The following GLIS3 variants were observed in gnomAD, a reference collection of about 807,000 sequenced individuals.
GLIS3 encodes GLIS family zinc finger 3.
Under a neutral mutation model 78.6 loss-of-function variants are expected in GLIS3, and 53 were observed. The observed-to-expected ratio is 0.67, with a 90% confidence interval of 0.54 to 0.85. The LOEUF (loss-of-function observed/expected upper bound fraction) is 0.85. Among genes scored for constraint, GLIS3 ranks in the 40% least tolerant of loss-of-function variants. GLIS3 has a pLI of 0.00. For missense variants in GLIS3, 1,703 were observed against 1,231.1 expected, an observed-to-expected ratio of 1.38 and a Z score of -5.74; for synonymous variants, 684 against 509.9, an observed-to-expected ratio of 1.34 and a Z score of -4.60.
At chr9:4,341,796 G>C (rs1443769445) in intron 2 of GLIS3, among the ~76,000 whole-genome samples, 2 of 152,136 alleles carry the variant, frequency 1.3e-5, no homozygotes, top group Non-Finnish European at 2.9e-5. Flanking sequence ...CAACAAATGG[G>C]ATCTCCGCTT....
chr9:4,197,087 G>C (rs758063413), intron 2 of GLIS3, among the ~76,000 whole-genome samples: 33 of 151,960 alleles, frequency 2.2e-4, no homozygotes, highest in Non-Finnish European at 4.0e-4. Context: ...GCCCCTCCTA[G>C]CCTATATCAG....
the GLIS3 span, among the ~76,000 whole-genome samples, chr9:4,468,590 G>A: frequency 6.6e-6 from 1 of 152,214 alleles, no homozygotes; most frequent in African/African-American, 2.4e-5. Flanking sequence ...AATGCTGAGA[G>A]ATTCTGTCAC....
At chr9:4,164,658 A>G (rs1232969983) in intron 2 of GLIS3, among the ~76,000 whole-genome samples, 1 of 152,216 alleles carries the variant, frequency 6.6e-6, no homozygotes, top group African/African-American at 2.4e-5. Context: ...GGCTGCTTAG[A>G]GGGCGTTATG....
At chr9:3,862,466 G>A (rs1820273050) in intron 8 of GLIS3, among the ~76,000 whole-genome samples, 1 of 151,970 alleles carries the variant, frequency 6.6e-6, no homozygotes. Context: ...ACTTCTTTCG[G>A]GTAGGGCTCT....
rs186741714 is a variant in GLIS3 at position 4,013,370 on chromosome 9, T to C, written c.1711-76181A>G. Among the ~76,000 whole-genome samples, 731 of 152,304 alleles carry C rather than the reference T, an allele frequency of 4.8e-3. 5 individuals are homozygous for C. The highest frequency in any genetic ancestry group is 6.9e-3 in the Non-Finnish European group (469 of 68,018). ...TTTAAAGGTTTGTTGTGACTTTTAT[T>C]CCCAATATCCAAGGAAGCTGTAATA... On this transcript the variant is annotated intron_variant, in intron 4 of 10. Transcript: ENST00000381971.
chr9:4,375,715 A>G, the GLIS3 span, among the ~76,000 whole-genome samples: 814 of 152,372 alleles, frequency 5.3e-3, 5 homozygotes, highest in African/African-American at 0.018. Context: ...ATGTGCACAT[A>G]AAACAAATGT....
the GLIS3 span, among the ~76,000 whole-genome samples, chr9:4,454,948 T>C: frequency 6.6e-6 from 1 of 152,240 alleles, no homozygotes; most frequent in Non-Finnish European, 1.5e-5. Context: ...TCTTAATAAC[T>C]CTTTTTTATT....
intron 4 of GLIS3, among the ~76,000 whole-genome samples, chr9:3,952,235 G>A (rs1816745884): frequency 6.6e-6 from 1 of 151,980 alleles, no homozygotes; most frequent in South Asian, 2.1e-4. Context: ...TACTTGTTTA[G>A]GGGGAAAAAG....
At chr9:3,882,134 G>T (rs1821771459) in intron 7 of GLIS3, among the ~76,000 whole-genome samples, 1 of 152,180 alleles carries the variant, frequency 6.6e-6, no homozygotes, top group Admixed American at 6.5e-5. Context: ...TAGGTCCTGG[G>T]ACAGGAAACA....
intron 4 of GLIS3, among the ~76,000 whole-genome samples, chr9:4,097,947 C>T (rs1830088791): frequency 1.3e-5 from 2 of 152,092 alleles, no homozygotes; most frequent in African/African-American, 4.8e-5. Flanking sequence ...CATTCTGTTC[C>T]ATCGGTCTAT....
intron 4 of GLIS3, among the ~76,000 whole-genome samples, chr9:3,969,098 G>A (rs1045214131): frequency 2.6e-5 from 4 of 152,272 alleles, no homozygotes; most frequent in African/African-American, 9.6e-5. Flanking sequence ...CTCACCTCTA[G>A]GTTCATTTTT....
intron 9 of GLIS3, among the ~76,000 whole-genome samples, chr9:3,832,255 A>G (rs920218722): frequency 4.3e-4 from 65 of 151,116 alleles, no homozygotes; most frequent in African/African-American, 1.5e-3. Flanking sequence ...TGTTTGCTAA[A>G]TAAAAAATAA....
intron 6 of GLIS3, among the ~76,000 whole-genome samples, 163 bp downstream of exon 6, chr9:3,932,197 T>C (rs1053262106): frequency 1.3e-5 from 2 of 149,274 alleles, no homozygotes; most frequent in Non-Finnish European, 3.0e-5. Context: ...ATGCAAACCA[T>C]AGCCTTGCTA....
intron 2 of GLIS3, among the ~76,000 whole-genome samples, chr9:4,231,292 C>T (rs987121267): frequency 4.6e-5 from 7 of 152,062 alleles, no homozygotes; most frequent in Non-Finnish European, 1.0e-4. Context: ...TAAAAATGAA[C>T]AGTAAATTTG....
intron 4 of GLIS3, among the ~76,000 whole-genome samples, chr9:4,048,453 G>C (rs1047642554): frequency 1.8e-4 from 27 of 152,070 alleles, no homozygotes; most frequent in African/African-American, 6.0e-4. Context: ...CCATGGCTCA[G>C]TATGTGCATA....
intron 2 of GLIS3, among the ~76,000 whole-genome samples, chr9:4,228,468 T>C (rs1283157973): frequency 3.3e-5 from 5 of 152,180 alleles, no homozygotes; most frequent in Non-Finnish European, 7.3e-5. Context: ...CTCAAAAGGA[T>C]GCACCTGCAA....
At chr9:4,222,525 T>G (rs1035138806) in intron 2 of GLIS3, among the ~76,000 whole-genome samples, 1 of 152,176 alleles carries the variant, frequency 6.6e-6, no homozygotes, top group African/African-American at 2.4e-5. Flanking sequence ...TAAACATAAA[T>G]AGACCCAGCC....
the GLIS3 span, among the ~76,000 whole-genome samples, chr9:4,385,806 AAAGAAAAGAAAGAAAGAGAAAAG>A: frequency 4.9e-5 from 3 of 61,796 alleles, no homozygotes; most frequent in African/African-American, 7.5e-5. Flanking sequence ...AGAAAGAAAG[AAAGAAAAGAAAGAAAGAGAAAAG>A]AAAGAAAAAA....
At chr9:4,344,982 T>G (rs1324143143) in intron 2 of GLIS3, among the ~76,000 whole-genome samples, 1 of 152,230 alleles carries the variant, frequency 6.6e-6, no homozygotes, top group African/African-American at 2.4e-5. Flanking sequence ...AATTATGGCA[T>G]TAGTTACCTG....
Sources: allele counts gnomAD v4.1 joint callset (sites outside exome capture counted in the v4.1 genomes callset), GRCh38; gene constraint gnomAD v4.1.1; transcripts MANE v1.5; gene names NCBI Gene and HGNC (gene_info 2026-07-23, HGNC 2026-07-21).